CTSB: variants seen among roughly 807,000 people sequenced by gnomAD.
The protein encoded by CTSB is APP secretase.
CTSB carries 57 observed loss-of-function variants against 44.3 expected under a neutral mutation model. The observed-to-expected ratio is 1.29, with a 90% confidence interval of 1.04 to 1.60. The LOEUF (loss-of-function observed/expected upper bound fraction) is 1.60, where lower values mean the gene tolerates loss of function less well. CTSB is among the 40% of genes most tolerant of loss of function. CTSB has a pLI of 0.00. For missense variants in CTSB, 768 were observed against 443.0 expected, an observed-to-expected ratio of 1.73 and a Z score of -6.59; for synonymous variants, 320 against 168.0, an observed-to-expected ratio of 1.91 and a Z score of -7.00.
At chr8:11,862,450 G>A (rs552180166) in intron 1 of CTSB, 3 of 152,326 alleles carry the variant, frequency 2.0e-5, no homozygotes, top group African/African-American at 7.2e-5. Flanking sequence ...TTGCATCCCA[G>A]AGTCATCATT....
Position 11,857,739 on chromosome 8 carries a change from C to T in CTSB, c.-25-4260G>A, listed in dbSNP as rs74805857. 1,462 of 152,706 alleles carry T rather than the reference C, an allele frequency of 9.6e-3. 11 individuals carry two copies. The highest frequency in any genetic ancestry group is 0.02 in the Middle Eastern group (6 of 300). The allele number at this position is 152,706 out of a possible 1,614,324, so 9.5% of individuals were successfully genotyped here. A position where few individuals can be genotyped will look rare whatever the true frequency, so the allele number is the denominator to read the frequency against. The stretch of plus-strand genomic sequence containing the variant: ...TTTTCATGGTTCCCAGGCCCTCCCA[C>T]ACCTCCCTGTGCTCCCTACTCATTC... On this transcript the variant is annotated intron_variant, in intron 1 of 9. Coordinates refer to ENST00000353047, the MANE Select transcript of CTSB (RefSeq NM_001908.5).
chr8:11,864,054 G>C (rs945637515), intron 1 of CTSB, among the ~76,000 whole-genome samples: 1 of 152,098 alleles, frequency 6.6e-6, no homozygotes, highest in Non-Finnish European at 1.5e-5. Flanking sequence ...AACACAAATG[G>C]ACTAGAACTG....
In CTSB at chr8:11,845,795, A is replaced by C. The variant is rs1170795789; in HGVS notation, c.794-6T>G. 1.2e-6 allele frequency: 2 copies of C among 1,610,700 alleles called. No individual in the cohort carries two copies. Among genetic ancestry groups the C allele is most frequent in the East Asian group, 2.2e-5 (1 of 44,730 alleles). On this transcript the variant is annotated splice_region_variant and splice_polypyrimidine_tract_variant and intron_variant, in intron 8 of 9. Coordinates refer to ENST00000353047, the MANE Select transcript of CTSB (RefSeq NM_001908.5). ...GGTGACGTGTTGGTACACTCCTGAA[A>C]AGGGAAGAACTGGCTGAGACCGAGA...
At position 11,848,181 on chromosome 8, in the gene CTSB, CTG is replaced by C. The variant is rs752149928; in HGVS notation, c.447-31_447-30del. The C allele has an allele frequency of 1.4e-5, 22 of 1,593,384 alleles. No individual in the cohort carries two copies. The African/African-American group carries it at 2.7e-4, about 19-fold the overall frequency. On this transcript the variant is annotated intron_variant, in intron 5 of 9. Coordinates refer to ENST00000353047, the MANE Select transcript of CTSB (RefSeq NM_001908.5). ...AAAAGACAGCCTCTAATGAAAACCT[CTG>C]AGAGAAGCACCACCAGCTCTCCAGA...
chr8:11,857,278 A>G (rs113496738), intron 1 of CTSB, among the ~76,000 whole-genome samples: 2,496 of 152,182 alleles, frequency 0.016, 68 homozygotes, highest in African/African-American at 0.055. Flanking sequence ...TCAGCTTCCC[A>G]AAGTGCTAGG....
intron 6 of CTSB, 49 bp from the exon 7 acceptor site, chr8:11,847,871 A>AAGCCCCAGCTGGCCGAGGC (rs3215434): frequency 5.8e-6 from 9 of 1,555,122 alleles, no homozygotes; most frequent in Non-Finnish European, 7.8e-6. Context: ...CCCCACGGAG[A>AAGCCCCAGCTGGCCGAGGC]AGACCTGGGG....
chr8:11,858,640 T>C (rs1445660215), intron 1 of CTSB, among the ~76,000 whole-genome samples: 1 of 152,160 alleles, frequency 6.6e-6, no homozygotes, highest in Admixed American at 6.6e-5. Context: ...CCAAAAATGC[T>C]TCCACTCTTG....
rs993167093 is a variant in CTSB at position 11,843,138 on chromosome 8, G to A, written c.*1987C>T. 5 of 152,036 alleles carry A rather than the reference G, an allele frequency of 3.3e-5. No homozygotes were observed. Among genetic ancestry groups the A allele is most frequent in the African/African-American group, 1.2e-4 (5 of 41,326 alleles). 9.4% of individuals were successfully genotyped at this position (152,036 alleles called of 1,614,324 possible). On this transcript the variant is annotated 3_prime_UTR_variant, in exon 10 of 10. Transcript: ENST00000353047. ...TAATTTTTGTATTTTTAGTAGAGGT[G>A]AGGTTTCAGCATGTTGGCCAGGCTG...
intron 1 of CTSB, among the ~76,000 whole-genome samples, chr8:11,860,101 T>C (rs1278370930): frequency 6.6e-6 from 1 of 152,246 alleles, no homozygotes; most frequent in East Asian, 1.9e-4. Flanking sequence ...AAAAGCTTTC[T>C]TACATGGTCA....
Position 11,849,126 on chromosome 8 carries a change from G to A in CTSB, c.366C>T (p.Cys122=), listed in dbSNP as rs1162223965. ...GAVEAISDRI[C]IHTNAHVSVE... The stretch of plus-strand genomic sequence containing the variant: ...CGCTGACGTGCGCATTGGTGTGGAT[G>A]CAGATCCGGTCAGAGATGGCTTCCA... The change falls in exon 5 of 10, where the codon TGC becomes TGT. Residue 122 remains cysteine, a synonymous_variant. Transcript: ENST00000353047. The A allele has an allele frequency of 1.4e-5, 23 of 1,613,374 alleles. No homozygotes were observed. In the African/African-American group the frequency reaches 1.7e-4, roughly 12 times the overall value.
At chr8:11,856,383 G>A (rs1586162731) in intron 1 of CTSB, among the ~76,000 whole-genome samples, 3 of 152,316 alleles carry the variant, frequency 2.0e-5, no homozygotes, top group Admixed American at 2.0e-4. Flanking sequence ...TGTAGCCGAG[G>A]CGGTTGGATC....
At chr8:11,851,046 G>C in intron 3 of CTSB, 66 bp from the exon 4 acceptor site, 2 of 1,187,380 alleles carry the variant, frequency 1.7e-6, no homozygotes, top group East Asian at 2.5e-5. Context: ...CCCTGCAAAG[G>C]CCACTTTGGC....
chr8:11,865,001 C>G (rs549728175), intron 1 of CTSB, among the ~76,000 whole-genome samples: 39 of 152,182 alleles, frequency 2.6e-4, no homozygotes, highest in Non-Finnish European at 5.3e-4. Context: ...TAAATATAAA[C>G]ATTAACAACC....
chr8:11,859,275 A>G (rs991790471), intron 1 of CTSB, among the ~76,000 whole-genome samples: 1 of 152,120 alleles, frequency 6.6e-6, no homozygotes, highest in Non-Finnish European at 1.5e-5. Context: ...TCTATCAACC[A>G]GAGCACCTTC....
chr8:11,863,553 A>AT (rs1423679441), intron 1 of CTSB, among the ~76,000 whole-genome samples: 4 of 152,284 alleles, frequency 2.6e-5, no homozygotes, highest in African/African-American at 9.6e-5. Context: ...AGAGGTTGCA[A>AT]TTTTTTAAAT....
intron 1 of CTSB, among the ~76,000 whole-genome samples, chr8:11,861,872 C>T (rs1484773274): frequency 6.6e-6 from 1 of 152,216 alleles, no homozygotes; most frequent in Non-Finnish European, 1.5e-5. Flanking sequence ...GGCGAGATTA[C>T]ACCAGGGTAG....
intron 1 of CTSB, among the ~76,000 whole-genome samples, chr8:11,854,036 G>C (rs1248393310): frequency 3.3e-5 from 5 of 151,406 alleles, no homozygotes; most frequent in African/African-American, 4.9e-5. Flanking sequence ...TCAGCCAAGG[G>C]CTCTGCTTCC....
chr8:11,848,286 C>A (rs1343625211), intron 5 of CTSB, 134 bp from the exon 6 acceptor site: 3 of 767,180 alleles, frequency 3.9e-6, no homozygotes, highest in Non-Finnish European at 6.9e-6. Flanking sequence ...AGCAGACCTC[C>A]CAGACCCCAA....
rs55820571 is a variant in CTSB at position 11,849,303 on chromosome 8, C to T, written c.328-139G>A. The T allele has an allele frequency of 4.3e-3, 2,508 of 579,072 alleles. 47 individuals are homozygous for T. Among genetic ancestry groups the T allele is most frequent in the African/African-American group, 0.042 (2,279 of 53,654 alleles). 35.9% of individuals were successfully genotyped at this position (579,072 alleles called of 1,614,324 possible). A position where few individuals can be genotyped will look rare whatever the true frequency, so the allele number is the denominator to read the frequency against. On this transcript the variant is annotated intron_variant, in intron 4 of 9. Transcript: ENST00000353047. Reference sequence around the variant, plus strand: ...AACACCAGGGGACGCTCCTGGGGCTCAAACTCAGCTTTTATTTTCTTTGGT... The same window carrying T: ...AACACCAGGGGACGCTCCTGGGGCTTAAACTCAGCTTTTATTTTCTTTGGT...
Sources: gnomAD v4.1 joint callset for allele counts (sites outside exome capture counted in the v4.1 genomes callset) on GRCh38, gnomAD v4.1.1 for gene constraint, MANE v1.5 for transcripts, NCBI Gene and HGNC (gene_info 2026-07-23, HGNC 2026-07-21) for gene names.